Variants in RSPH1 observed in about 807,000 individuals in gnomAD.
RSPH1 encodes the protein radial spoke head component 1.
In RSPH1, 32 loss-of-function variants were observed where a neutral mutation model predicts 44.2. The observed-to-expected ratio is 0.72, with a 90% CI of 0.55 to 0.97. The LOEUF is 0.97. Among genes scored for constraint, RSPH1 ranks in the 50% least tolerant of loss-of-function variants. RSPH1 has a pLI of 0.00. For missense variants in RSPH1, 391 were observed against 398.7 expected, an observed-to-expected ratio of 0.98 and a Z score of 0.16; for synonymous variants, 134 against 147.3, an observed-to-expected ratio of 0.91 and a Z score of 0.65.
At chr21:42,480,400 G>C (rs2054113732) in intron 6 of RSPH1, among the ~76,000 whole-genome samples, 1 of 152,168 alleles carries the variant, frequency 6.6e-6, no homozygotes, top group Non-Finnish European at 1.5e-5. Flanking sequence ...CCACCACTTT[G>C]GGAGGCTGAG....
chr21:42,476,080 C>T (rs768847342), intron 7 of RSPH1, 33 bp from the exon 8 acceptor site: 8 of 1,612,270 alleles, frequency 5.0e-6, no homozygotes, highest in African/African-American at 1.3e-5. Flanking sequence ...AGCCTGAGTT[C>T]CTGGGAAAAA....
intron 8 of RSPH1, 22 bp from the exon 9 acceptor site, chr21:42,472,892 G>C (rs2054007164): frequency 6.5e-7 from 1 of 1,532,540 alleles, no homozygotes; most frequent in Admixed American, 1.7e-5. Context: ...AGAGAAACAT[G>C]AGTATATCTC....
In RSPH1 at chr21:42,475,783, C is replaced by T. The variant is rs2146640190; in HGVS notation, c.877+115G>A. On this transcript the variant is annotated intron_variant, in intron 8 of 8. Transcript: ENST00000291536. ...GCTCACAGGGGGCCCCCTAAGCCTTCCTCGAGTCCCTGGGGCCCAGCTGAA... is the reference window on the plus strand; with the variant it reads ...GCTCACAGGGGGCCCCCTAAGCCTTTCTCGAGTCCCTGGGGCCCAGCTGAA... 2.5e-6 allele frequency: 3 copies of T among 1,224,198 alleles called. No homozygotes were observed. The South Asian group carries it at 4.5e-5, about 18-fold the overall frequency. The allele number at this position is 1,224,198 out of a possible 1,614,324, so 75.8% of individuals were successfully genotyped here.
In RSPH1 at chr21:42,474,688, G is replaced by A. The variant is rs1353304373; in HGVS notation, c.877+1210C>T. Reference sequence around the variant, plus strand: ...CTGTGCAAGTCAGAGAAGCAGAGACGATGCTCACTTGTAAAGCCAGGTTTC... The same window carrying A: ...CTGTGCAAGTCAGAGAAGCAGAGACAATGCTCACTTGTAAAGCCAGGTTTC... On this transcript the variant is annotated intron_variant, in intron 8 of 8. Coordinates refer to ENST00000291536, the MANE Select transcript of RSPH1 (RefSeq NM_080860.4). The surrounding 1 kb of genome is among the most constrained non-coding windows in gnomAD (Gnocchi z 5.2). 1.3e-5 allele frequency among the ~76,000 whole-genome samples: 2 copies of A among 152,286 alleles called. No individual in the cohort carries two copies. The highest frequency in any genetic ancestry group is 2.9e-5 in the Non-Finnish European group (2 of 68,028).
At position 42,474,871 on chromosome 21, in the gene RSPH1, A is replaced by G. The variant is rs1377717955; in HGVS notation, c.877+1027T>C. ...CAAGCATCTAAGAGAAAACTGCTTT[A>G]TGTGATTTCATTATTTCAGGTATTA... On this transcript the variant is annotated intron_variant, in intron 8 of 8. Coordinates refer to ENST00000291536, the MANE Select transcript of RSPH1 (RefSeq NM_080860.4). This position sits in a 1 kb window ranked among gnomAD's most constrained non-coding sequence, Gnocchi z 5.2. Among the ~76,000 whole-genome samples the G allele has an allele frequency of 6.7e-6, 1 of 148,310 alleles. No homozygotes were observed. Among genetic ancestry groups the G allele is most frequent in the Admixed American group, 6.6e-5 (1 of 15,112 alleles).
At chr21:42,478,183 C>A (rs1320508926) in intron 6 of RSPH1, among the ~76,000 whole-genome samples, 1 of 152,274 alleles carries the variant, frequency 6.6e-6, no homozygotes, top group Non-Finnish European at 1.5e-5. Context: ...TTGTGACTAT[C>A]ACAAAATTCC....
Position 42,492,918 on chromosome 21 carries a change from C to T in RSPH1, c.168+48G>A, listed in dbSNP as rs1008435770. 11 of 1,587,954 alleles carry T rather than the reference C, an allele frequency of 6.9e-6. No individual in the cohort carries two copies. In the African/African-American group the frequency reaches 9.4e-5, roughly 14 times the overall value. ...CATTGCTGAATGTAGCATTTGCTAA[C>T]AGAGTATTAAATAGAGAAAACCATC... On this transcript the variant is annotated intron_variant, in intron 2 of 8. Transcript: ENST00000291536.
chr21:42,490,589 G>A (rs2054226485), intron 3 of RSPH1, among the ~76,000 whole-genome samples: 1 of 152,182 alleles, frequency 6.6e-6, no homozygotes, highest in Admixed American at 6.5e-5. Flanking sequence ...AAGCCATCTG[G>A]AGAATCAAAA....
At chr21:42,485,475 T>A in intron 5 of RSPH1, 194 bp downstream of exon 5, 1 of 622,036 alleles carries the variant, frequency 1.6e-6, no homozygotes, top group Non-Finnish European at 2.8e-6. Flanking sequence ...GGCCAATCCC[T>A]CCCTTCCCCC....
Position 42,472,858 on chromosome 21 carries a change from GAATTAATGTTTCCTGA to G in RSPH1, c.878-4_889del. 1.2e-6 allele frequency: 2 copies of G among 1,606,814 alleles called. No homozygotes were observed. The highest frequency in any genetic ancestry group is 1.7e-6 in the Non-Finnish European group (2 of 1,173,696). ...TGACTGTCTAGTTTCTTCTTCTTCA[GAATTAATGTTTCCTGA>G]AAAGAAAAGAGAAACATGAGTATAT... On this transcript the variant is annotated splice_acceptor_variant and splice_polypyrimidine_tract_variant and coding_sequence_variant and intron_variant, in exon 9 of 9. Transcript: ENST00000291536. LOFTEE classifies it high-confidence loss of function.
intron 8 of RSPH1, among the ~76,000 whole-genome samples, chr21:42,475,165 T>G (rs376737539): frequency 1.5e-4 from 23 of 152,356 alleles, no homozygotes; most frequent in Admixed American, 5.9e-4. Flanking sequence ...CAGTCAGAAC[T>G]GAGGTCAAAT....
At chr21:42,482,834 T>A (rs781072937) in intron 5 of RSPH1, 126 bp from the exon 6 acceptor site, 2 of 627,030 alleles carry the variant, frequency 3.2e-6, no homozygotes, top group Non-Finnish European at 5.5e-6. Flanking sequence ...GATTAAGGAA[T>A]GCTTTTGTGA....
chr21:42,490,551 G>A (rs1313759048), intron 3 of RSPH1, among the ~76,000 whole-genome samples: 1 of 152,126 alleles, frequency 6.6e-6, no homozygotes. Context: ...TCTGGGTAGT[G>A]GCTAAATCTT....
At chr21:42,477,474 C>T (rs1298922820) in intron 6 of RSPH1, 30 bp from the exon 7 acceptor site, 18 of 1,607,382 alleles carry the variant, frequency 1.1e-5, no homozygotes, top group Non-Finnish European at 1.5e-5. Flanking sequence ...GTACATTTAC[C>T]AACATTTGTG....
At chr21:42,485,970 GC>G in intron 4 of RSPH1, 166 bp from the exon 5 acceptor site, 1 of 835,604 alleles carries the variant, frequency 1.2e-6, no homozygotes, top group Non-Finnish European at 1.9e-6. Context: ...TGCTCAGTGT[GC>G]CCCAAGCACA....
At chr21:42,477,547 G>T in intron 6 of RSPH1, 103 bp from the exon 7 acceptor site, 19 of 1,289,282 alleles carry the variant, frequency 1.5e-5, no homozygotes, top group Non-Finnish European at 2.1e-5. Flanking sequence ...ACAGGTTTTG[G>T]CTTGTGTTTC....
intron 7 of RSPH1, among the ~76,000 whole-genome samples, chr21:42,476,462 G>A (rs557558058): frequency 1.3e-5 from 2 of 152,302 alleles, no homozygotes; most frequent in East Asian, 1.9e-4. Flanking sequence ...TTAGCAGCAT[G>A]AGTATTCTTT....
rs1366200073 is a variant in RSPH1 at position 42,477,321 on chromosome 21, C to T, written c.697G>A (p.Gly233Arg). 1.9e-6 allele frequency: 3 copies of T among 1,605,644 alleles called. No homozygotes were observed. The highest frequency in any genetic ancestry group is 2.6e-6 in the Non-Finnish European group (3 of 1,175,344). The change falls in exon 7 of 9, where the codon GGA becomes AGA. Residue 233 changes from glycine to arginine, a missense_variant. Transcript: ENST00000291536. ...GCTCCTGGAGCGTCTTGGCCAGGTC[C>T]ATCCGTAGAGGTCGGCTTTTTGGGG... ...TLPKKPTSTDGPGQDAPGAES... is the reference protein window; with the variant it reads ...TLPKKPTSTDRPGQDAPGAES...
Position 42,475,988 on chromosome 21 carries a change from C to A in RSPH1, c.787G>T (p.Asp263Tyr), listed in dbSNP as rs763271223. ...GCATCTTCATCTCCAGGCCTCATGTCCATCTCACCCTCGAAGCCCTCCAGC... is the reference window on the plus strand; with the variant it reads ...GCATCTTCATCTCCAGGCCTCATGTACATCTCACCCTCGAAGCCCTCCAGC... Reference protein sequence around the residue: ...ALLEGFEGEMDMRPGDEDADV... With the variant: ...ALLEGFEGEMYMRPGDEDADV... Residue 263 changes from aspartate (D) to tyrosine (Y), a missense_variant, in exon 8 of 9, where the codon GAC becomes TAC. Asp to Tyr is a radical substitution (Grantham distance 160). Coordinates refer to ENST00000291536, the MANE Select transcript of RSPH1 (RefSeq NM_080860.4). 4 of 1,613,356 alleles carry A rather than the reference C, an allele frequency of 2.5e-6. No homozygotes were observed. Among genetic ancestry groups the A allele is most frequent in the Non-Finnish European group, 3.4e-6 (4 of 1,179,864 alleles).
Sources: allele counts gnomAD v4.1 joint callset (sites outside exome capture counted in the v4.1 genomes callset), GRCh38; gene constraint gnomAD v4.1.1; non-coding constraint Gnocchi (gnomAD v3.1); transcripts MANE v1.5; gene names NCBI Gene and HGNC (gene_info 2026-07-23, HGNC 2026-07-21).